The following NUP54 variants were observed in gnomAD, a reference collection of about 807,000 sequenced individuals.
The protein encoded by NUP54 is nucleoporin p54.
In NUP54, 27 loss-of-function variants were observed where a neutral mutation model predicts 66.4. The ratio of observed to expected loss-of-function variants is 0.41; its 90% CI spans 0.30 to 0.56. The LOEUF is 0.56. Ranked by LOEUF, NUP54 falls within the 20% of genes least tolerant of loss-of-function variation. The probability of loss-of-function intolerance (pLI) is 0.34; values close to 1 mark genes in which losing one functional copy is unlikely to be tolerated. For missense variants in NUP54, 486 were observed against 596.3 expected (o/e 0.82, Z 1.93); for synonymous variants, 206 against 210.7 (o/e 0.98, Z 0.19).
chr4:76,118,417 G>T (rs995808580), intron 9 of NUP54: 4 of 469,408 alleles, frequency 8.5e-6, no homozygotes, highest in Non-Finnish European at 1.5e-5. Context: ...ACAGGGTCTT[G>T]CTCTGTCTCC....
Position 76,128,175 on chromosome 4 carries a change from T to A in NUP54, c.1056+2481A>T, listed in dbSNP as rs544927827. Among the ~76,000 whole-genome samples the A allele has an allele frequency of 1.9e-4, 29 of 152,252 alleles. No individual in the cohort carries two copies. The South Asian group carries it at 5.8e-3, about 30-fold the overall frequency. ...AAAGGTTTCTCAACTTCAGCACTATTAATCTTGGGTAATTCCTTGTTGTGG... is the reference window on the plus strand; with the variant it reads ...AAAGGTTTCTCAACTTCAGCACTATAAATCTTGGGTAATTCCTTGTTGTGG... On this transcript the variant is annotated intron_variant, in intron 8 of 11. Transcript: ENST00000264883.
intron 1 of NUP54, chr4:76,147,813 A>G: frequency 2.6e-6 from 1 of 384,454 alleles, no homozygotes; most frequent in South Asian, 2.2e-5. Context: ...GGGCAGATGG[A>G]AGAAGCATGA....
intron 4 of NUP54, 113 bp downstream of exon 4, chr4:76,136,073 C>A (rs973422055): frequency 7.2e-5 from 52 of 722,800 alleles, no homozygotes; most frequent in Non-Finnish European, 1.1e-4. Flanking sequence ...AAAGTATAAT[C>A]ATACCATGTT....
intron 3 of NUP54, among the ~76,000 whole-genome samples, chr4:76,142,290 C>A (rs973528035): frequency 6.6e-6 from 1 of 152,144 alleles, no homozygotes; most frequent in Non-Finnish European, 1.5e-5. Flanking sequence ...GACTGGAATA[C>A]TTGAAAGAAT....
At chr4:76,120,419 CTCTT>C (rs1730179731) in intron 9 of NUP54, among the ~76,000 whole-genome samples, 2 of 127,752 alleles carry the variant, frequency 1.6e-5, no homozygotes, top group Non-Finnish European at 3.1e-5. Context: ...GTAAAGGGAT[CTCTT>C]TTTTTTTTTT....
intron 9 of NUP54, among the ~76,000 whole-genome samples, chr4:76,121,584 C>T (rs972126111): frequency 6.6e-6 from 1 of 152,194 alleles, no homozygotes; most frequent in Non-Finnish European, 1.5e-5. Flanking sequence ...CCTGCCTCAG[C>T]CTTCTGAGTA....
At chr4:76,135,476 G>A (rs905286136) in intron 4 of NUP54, among the ~76,000 whole-genome samples, 1 of 152,138 alleles carries the variant, frequency 6.6e-6, no homozygotes, top group African/African-American at 2.4e-5. Context: ...TATACTTTTT[G>A]TTAGTGATGA....
chr4:76,143,926 T>C (rs191441166), intron 3 of NUP54, among the ~76,000 whole-genome samples: 100 of 152,310 alleles, frequency 6.6e-4, no homozygotes, highest in Non-Finnish European at 1.2e-3. Flanking sequence ...AACAAAAATT[T>C]AAATGGAATG....
chr4:76,134,388 TA>T, intron 4 of NUP54, 26 bp from the exon 5 acceptor site: 2 of 1,569,664 alleles, frequency 1.3e-6, no homozygotes, highest in Non-Finnish European at 1.7e-6. Flanking sequence ...ATAAACAATA[TA>T]AAAAATATGT....
At chr4:76,129,990 T>TTG (rs1730729657) in intron 8 of NUP54, among the ~76,000 whole-genome samples, 1 of 92,142 alleles carries the variant, frequency 1.1e-5, no homozygotes, top group South Asian at 4.5e-4. Flanking sequence ...TTTTTTTTTT[T>TTG]TTTTTTTTTT....
intron 9 of NUP54, among the ~76,000 whole-genome samples, chr4:76,123,085 G>A (rs1259473582): frequency 6.6e-6 from 1 of 152,186 alleles, no homozygotes; most frequent in African/African-American, 2.4e-5. Flanking sequence ...CAATGGGTAC[G>A]GGATTTGTCT....
At chr4:76,125,623 AGGGAGAGGGGGAGAGGGGGAGAGGGGG>A (rs1730453984) in intron 8 of NUP54, among the ~76,000 whole-genome samples, 1 of 56,068 alleles carries the variant, frequency 1.8e-5, no homozygotes, top group African/African-American at 7.4e-5. Flanking sequence ...CAAGAGGGAG[AGGGAGAGGGGGAGAGGGGGAGAGGGGG>A]AGAGGGAGAG....
intron 9 of NUP54, among the ~76,000 whole-genome samples, chr4:76,122,508 C>A (rs1162705449): frequency 6.6e-6 from 1 of 152,196 alleles, no homozygotes; most frequent in Non-Finnish European, 1.5e-5. Flanking sequence ...TAGAATCATG[C>A]CTTACACAGC....
At chr4:76,140,348 C>G (rs961973390) in intron 3 of NUP54, among the ~76,000 whole-genome samples, 5 of 143,886 alleles carry the variant, frequency 3.5e-5, no homozygotes, top group African/African-American at 1.0e-4. Flanking sequence ...TCCAGTGGTG[C>G]GATCTCAGCT....
rs1246117480 is a variant in NUP54, at chr4:76,145,249, T to C, written c.68-776A>G. Reference sequence around the variant, plus strand: ...AGGAGAATGGCGTGGACCCGGGAGGTGGAGCTTGCAGTGAGCCAAGATCTT... The same window carrying C: ...AGGAGAATGGCGTGGACCCGGGAGGCGGAGCTTGCAGTGAGCCAAGATCTT... On this transcript the variant is annotated intron_variant, in intron 1 of 11. Transcript: ENST00000264883. Among the ~76,000 whole-genome samples the C allele has an allele frequency of 4.3e-5, 6 of 138,644 alleles. No homozygotes were observed. In the South Asian group the frequency reaches 1.4e-3, roughly 31 times the overall value. The allele number at this position is 138,644 out of a possible 152,430, so 91.0% of individuals were successfully genotyped here.
At chr4:76,116,639 C>T (rs1405669046) in intron 11 of NUP54, among the ~76,000 whole-genome samples, 1 of 152,184 alleles carries the variant, frequency 6.6e-6, no homozygotes, top group African/African-American at 2.4e-5. Flanking sequence ...AGATCAATAA[C>T]CAAATGTTTA....
At chr4:76,129,875 A>G in intron 8 of NUP54, among the ~76,000 whole-genome samples, 1 of 144,804 alleles carries the variant, frequency 6.9e-6, no homozygotes, top group African/African-American at 2.5e-5. Flanking sequence ...AAAAAAAAAA[A>G]AAAAAAAAAA....
intron 11 of NUP54, among the ~76,000 whole-genome samples, chr4:76,116,728 A>G (rs181149875): frequency 6.6e-6 from 1 of 152,278 alleles, no homozygotes; most frequent in East Asian, 1.9e-4. Context: ...CATACAAATC[A>G]TTCTATGATC....
At chr4:76,144,570 C>A in intron 1 of NUP54, 97 bp from the exon 2 acceptor site, 1 of 874,250 alleles carries the variant, frequency 1.1e-6, no homozygotes, top group Non-Finnish European at 1.7e-6. Context: ...CATATAAAAT[C>A]AAAATATATT....
Sources: gnomAD v4.1 joint callset for allele counts (sites outside exome capture counted in the v4.1 genomes callset) on GRCh38, gnomAD v4.1.1 for gene constraint, MANE v1.5 for transcripts, NCBI Gene and HGNC (gene_info 2026-07-23, HGNC 2026-07-21) for gene names.